The following CARMIL1 variants were observed in gnomAD, a reference collection of about 807,000 sequenced individuals.
The protein encoded by CARMIL1 is F-actin-uncapping protein LRRC16A.
Under a neutral mutation model 177.1 loss-of-function variants are expected in CARMIL1, and 90 were observed. The observed-to-expected ratio is 0.51, with a 90% CI of 0.43 to 0.61. CARMIL1 has a LOEUF of 0.61. Among genes scored for constraint, CARMIL1 ranks in the 20% least tolerant of loss-of-function variants. The probability of loss-of-function intolerance (pLI) is 0.00; values close to 1 mark genes in which losing one functional copy is unlikely to be tolerated. For synonymous variants in CARMIL1, 577 were observed against 606.2 expected (o/e 0.95, Z 0.71); for missense variants, 1,380 against 1,667.0 (o/e 0.83, Z 3.00).
At chr6:25,420,567 CCGA>C (rs146109101) in intron 3 of CARMIL1, among the ~76,000 whole-genome samples, 89,972 of 151,264 alleles carry the variant, frequency 0.59, 26,725 homozygotes, top group Middle Eastern at 0.61. Context: ...CTTCGGTGAT[CCGA>C]AGTACTGGCA....
At chr6:25,293,265 GGTGTGTGTGTGTGTGTGTGT>G (rs57127326) in intron 2 of CARMIL1, among the ~76,000 whole-genome samples, 1 of 134,300 alleles carries the variant, frequency 7.4e-6, no homozygotes, top group Admixed American at 7.6e-5. Context: ...AAGGATGCTT[GGTGTGTGTGTGTGTGTGTGT>G]GTGTGTGTGT....
intron 8 of CARMIL1, among the ~76,000 whole-genome samples, chr6:25,459,210 T>TCTTTCTTTCTTTCTTTCTTTCTTTC (rs1554200782): frequency 1.2e-5 from 1 of 80,136 alleles, no homozygotes; most frequent in Non-Finnish European, 2.5e-5. Context: ...GATCCCAACT[T>TCTTTCTTTCTTTCTTTCTTTCTTTC]TTTCTTTCTT....
At chr6:25,428,752 T>C (rs1046924982) in intron 4 of CARMIL1, among the ~76,000 whole-genome samples, 3 of 152,212 alleles carry the variant, frequency 2.0e-5, no homozygotes, top group Non-Finnish European at 2.9e-5. Flanking sequence ...ATGTCTAAAT[T>C]CATTCCTAAG....
chr6:25,567,476 G>A (rs980059647), intron 29 of CARMIL1, among the ~76,000 whole-genome samples: 1 of 152,206 alleles, frequency 6.6e-6, no homozygotes, highest in Admixed American at 6.5e-5. Context: ...GCCCCTGGAA[G>A]CTGCCCATAC....
chr6:25,507,146 A>G (rs1445275715), intron 17 of CARMIL1, among the ~76,000 whole-genome samples: 1 of 152,222 alleles, frequency 6.6e-6, no homozygotes, highest in Non-Finnish European at 1.5e-5. Context: ...CCAGTTTTAC[A>G]TGCACACATG....
At chr6:25,377,836 A>G (rs1273608665) in intron 2 of CARMIL1, among the ~76,000 whole-genome samples, 1 of 152,204 alleles carries the variant, frequency 6.6e-6, no homozygotes, top group South Asian at 2.1e-4. Context: ...GCCTCCAACC[A>G]GAAGGTGGTG....
chr6:25,531,668 A>G (rs1431750363), intron 24 of CARMIL1, among the ~76,000 whole-genome samples: 1 of 152,230 alleles, frequency 6.6e-6, no homozygotes, highest in Non-Finnish European at 1.5e-5. Context: ...CCTGCAAGGA[A>G]CTAATACTAC....
At chr6:25,485,591 C>G (rs1200996854) in intron 12 of CARMIL1, among the ~76,000 whole-genome samples, 1 of 151,872 alleles carries the variant, frequency 6.6e-6, no homozygotes, top group Non-Finnish European at 1.5e-5. Context: ...TGTGCCACCA[C>G]GCCCAGCTAA....
At position 25,432,651 on chromosome 6, in the gene CARMIL1, T is replaced by C. The variant is rs1289150799; in HGVS notation, c.250-2832T>C. 1.3e-5 allele frequency among the ~76,000 whole-genome samples: 2 copies of C among 152,216 alleles called. 1 individual carries two copies. On this transcript the variant is annotated intron_variant, in intron 4 of 36. Transcript: ENST00000329474. The stretch of plus-strand genomic sequence containing the variant: ...ACAACTGAATACCTGCTATGATTTT[T>C]TCTTGAATTATAGGGTTAATTGTTT...
At chr6:25,504,457 C>T (rs1804719805) in intron 17 of CARMIL1, among the ~76,000 whole-genome samples, 1 of 152,018 alleles carries the variant, frequency 6.6e-6, no homozygotes. Context: ...AGGAGACTTA[C>T]ACTTCATGCT....
intron 2 of CARMIL1, among the ~76,000 whole-genome samples, chr6:25,354,233 C>T (rs1429384591): frequency 6.6e-6 from 1 of 151,904 alleles, no homozygotes; most frequent in Non-Finnish European, 1.5e-5. Context: ...GATCATAGCT[C>T]ACTGCAGCCT....
chr6:25,341,696 A>G (rs573287467), intron 2 of CARMIL1, among the ~76,000 whole-genome samples: 129 of 152,368 alleles, frequency 8.5e-4, no homozygotes, highest in South Asian at 3.5e-3. Flanking sequence ...AGCCTGGGCA[A>G]TAGAGCGAGA....
At chr6:25,333,480 C>T (rs185015587) in intron 2 of CARMIL1, among the ~76,000 whole-genome samples, 5 of 152,272 alleles carry the variant, frequency 3.3e-5, no homozygotes, top group African/African-American at 4.8e-5. Flanking sequence ...GCAGGGGCAT[C>T]GCTTGAGCCT....
intron 2 of CARMIL1, among the ~76,000 whole-genome samples, chr6:25,384,558 T>C (rs1791959356): frequency 6.6e-6 from 1 of 152,238 alleles, no homozygotes; most frequent in Non-Finnish European, 1.5e-5. Flanking sequence ...CCTGGTCCAC[T>C]CAGTGGAAGC....
At position 25,279,607 on chromosome 6, in the gene CARMIL1, A is replaced by C; in HGVS notation, c.-189A>C. On this transcript the variant is annotated 5_prime_UTR_variant, in exon 1 of 37. Coordinates refer to ENST00000329474, the MANE Select transcript of CARMIL1 (RefSeq NM_017640.6). ...AGCAGCAAATCCGCCTCGCATTTGC[A>C]ACTCTTTTTTTTTTTTTTGGTGGGG... 1.7e-6 allele frequency: 1 copy of C among 596,016 alleles called. No homozygotes were observed. 36.9% of individuals were successfully genotyped at this position (596,016 alleles called of 1,614,324 possible).
chr6:25,292,623 C>T (rs1223168388), intron 2 of CARMIL1, among the ~76,000 whole-genome samples: 1 of 152,114 alleles, frequency 6.6e-6, no homozygotes, highest in African/African-American at 2.4e-5. Context: ...CTGCAACTGC[C>T]CCAGTTTCTT....
chr6:25,489,514 CT>C (rs1802984439), intron 13 of CARMIL1, among the ~76,000 whole-genome samples: 1 of 152,146 alleles, frequency 6.6e-6, no homozygotes, highest in African/African-American at 2.4e-5. Flanking sequence ...TAGGTATTAT[CT>C]CATTTCCATA....
intron 5 of CARMIL1, among the ~76,000 whole-genome samples, chr6:25,441,103 T>C (rs138505893): frequency 2.3e-4 from 35 of 152,166 alleles, no homozygotes; most frequent in African/African-American, 7.5e-4. Context: ...AAATCAAATA[T>C]ATGAAAATAT....
chr6:25,464,116 C>T (rs1245042380), intron 8 of CARMIL1, among the ~76,000 whole-genome samples: 4 of 152,060 alleles, frequency 2.6e-5, no homozygotes, highest in Non-Finnish European at 5.9e-5. Flanking sequence ...GCCACTGCGC[C>T]CGGCCAGTTG....
Sources: gnomAD v4.1 joint callset for allele counts (sites outside exome capture counted in the v4.1 genomes callset) on GRCh38, gnomAD v4.1.1 for gene constraint, MANE v1.5 for transcripts, NCBI Gene and HGNC (gene_info 2026-07-23, HGNC 2026-07-21) for gene names.